Variants in RBFOX1 observed in about 807,000 individuals in gnomAD.
The protein encoded by RBFOX1 is RNA binding fox-1 homolog 1.
In RBFOX1, 8 loss-of-function variants were observed where a neutral mutation model predicts 57.7. The ratio of observed to expected loss-of-function variants is 0.14; its 90% CI spans 0.08 to 0.25. The LOEUF (loss-of-function observed/expected upper bound fraction) is 0.25. Ranked by LOEUF, RBFOX1 falls within the 10% of genes least tolerant of loss-of-function variation. RBFOX1 has a pLI of 1.00. For synonymous variants in RBFOX1, 326 were observed against 222.4 expected, an observed-to-expected ratio of 1.47 and a Z score of -4.15; for missense variants, 611 against 548.5, an observed-to-expected ratio of 1.11 and a Z score of -1.14.
At chr16:6,759,826 A>G (rs935186086) in intron 3 of RBFOX1, among the ~76,000 whole-genome samples, 6 of 152,240 alleles carry the variant, frequency 3.9e-5, no homozygotes, top group Non-Finnish European at 7.3e-5. Flanking sequence ...TAGATTGTTT[A>G]TAATAGCAAG....
At chr16:7,269,618 A>G (rs1009856862) in intron 4 of RBFOX1, among the ~76,000 whole-genome samples, 1 of 152,198 alleles carries the variant, frequency 6.6e-6, no homozygotes, top group Non-Finnish European at 1.5e-5. Flanking sequence ...TAATGATTCC[A>G]TAATGTTCTG....
chr16:5,625,120 A>T (rs956092449), intron 3 of RBFOX1, among the ~76,000 whole-genome samples: 12 of 152,152 alleles, frequency 7.9e-5, no homozygotes, highest in African/African-American at 2.4e-4. Context: ...ACCATTTTGC[A>T]TGTGAGCCAT....
At chr16:6,454,374 T>A (rs1340061257) in intron 2 of RBFOX1, among the ~76,000 whole-genome samples, 1 of 152,018 alleles carries the variant, frequency 6.6e-6, no homozygotes, top group African/African-American at 2.4e-5. Context: ...CTGGGCAACA[T>A]AGCAGAACCA....
chr16:7,567,309 A>ATGGCCC, intron 5 of RBFOX1, among the ~76,000 whole-genome samples: 1 of 30,048 alleles, frequency 3.3e-5, no homozygotes, highest in African/African-American at 1.4e-4. Flanking sequence ...GGCCCTATAT[A>ATGGCCC]TATATATATA....
chr16:5,529,089 T>A (rs1170597702), intron 2 of RBFOX1, among the ~76,000 whole-genome samples: 1 of 152,110 alleles, frequency 6.6e-6, no homozygotes, highest in Admixed American at 6.6e-5. Context: ...GTCCATAAGA[T>A]CTTCCTCCTC....
chr16:6,787,911 A>C (rs12921317), intron 3 of RBFOX1, among the ~76,000 whole-genome samples: 72,708 of 152,022 alleles, frequency 0.48, 17,585 homozygotes, highest in East Asian at 0.55. Flanking sequence ...CCAATCTGTC[A>C]TTACTAAACA....
intron 3 of RBFOX1, among the ~76,000 whole-genome samples, chr16:6,832,843 C>G (rs536037241): frequency 3.6e-4 from 55 of 152,342 alleles, no homozygotes; most frequent in African/African-American, 1.3e-3. Flanking sequence ...AGTTAAGAAT[C>G]CCAACTACGT....
intron 1 of RBFOX1, among the ~76,000 whole-genome samples, chr16:6,150,008 A>C (rs1179170200): frequency 6.6e-6 from 1 of 152,198 alleles, no homozygotes; most frequent in Non-Finnish European, 1.5e-5. Context: ...TAGCTCCTGA[A>C]ATGTGAGCAT....
intron 3 of RBFOX1, among the ~76,000 whole-genome samples, chr16:5,822,944 C>G (rs1457135021): frequency 6.6e-6 from 1 of 152,218 alleles, no homozygotes; most frequent in Non-Finnish European, 1.5e-5. Context: ...CACATGATAA[C>G]TGCATAATTT....
At chr16:6,327,854 C>T (rs574706686) in intron 2 of RBFOX1, among the ~76,000 whole-genome samples, 70 of 152,260 alleles carry the variant, frequency 4.6e-4, no homozygotes, top group African/African-American at 1.5e-3. Flanking sequence ...TCTAATGGCT[C>T]TTCAATCCCG....
chr16:7,166,747 A>T (rs895103733), intron 4 of RBFOX1, among the ~76,000 whole-genome samples: 36 of 151,992 alleles, frequency 2.4e-4, no homozygotes, highest in African/African-American at 8.5e-4. Context: ...CTTCAGCAGC[A>T]TCCTTGGATG....
chr16:7,178,498 TTGAC>T (rs1209502719), intron 4 of RBFOX1, among the ~76,000 whole-genome samples: 5 of 152,320 alleles, frequency 3.3e-5, no homozygotes, highest in African/African-American at 1.2e-4. Context: ...GATGTATCGA[TTGAC>T]TGATAATCAT....
At chr16:7,346,535 C>T (rs1442964949) in intron 4 of RBFOX1, among the ~76,000 whole-genome samples, 5 of 151,888 alleles carry the variant, frequency 3.3e-5, no homozygotes, top group African/African-American at 1.2e-4. Flanking sequence ...TGTTACCAAG[C>T]CACTGCCCTC....
chr16:7,494,632 ATC>A (rs1449030166), intron 4 of RBFOX1, among the ~76,000 whole-genome samples: 1 of 152,176 alleles, frequency 6.6e-6, no homozygotes, highest in African/African-American at 2.4e-5. Flanking sequence ...TGCAGTTTTT[ATC>A]TCTCTTATGA....
At chr16:7,618,385 T>G (rs578231948) in intron 10 of RBFOX1, among the ~76,000 whole-genome samples, 1 of 152,256 alleles carries the variant, frequency 6.6e-6, no homozygotes, top group South Asian at 2.1e-4. Context: ...TAGGAGCAGA[T>G]TATCAACTGT....
At chr16:6,894,793 TTTGTAA>T (rs1395065518) in intron 3 of RBFOX1, among the ~76,000 whole-genome samples, 1 of 152,204 alleles carries the variant, frequency 6.6e-6, no homozygotes, top group Non-Finnish European at 1.5e-5. Flanking sequence ...TTTCCCTGTG[TTTGTAA>T]TTGTATTTTA....
At chr16:7,288,554 T>C (rs1938694949) in intron 4 of RBFOX1, among the ~76,000 whole-genome samples, 1 of 152,220 alleles carries the variant, frequency 6.6e-6, no homozygotes, top group Admixed American at 6.5e-5. Flanking sequence ...ACTGTGCTAT[T>C]ACTGGCCGGA....
At chr16:7,622,456 T>G (rs1024012159) in intron 10 of RBFOX1, among the ~76,000 whole-genome samples, 2 of 152,208 alleles carry the variant, frequency 1.3e-5, no homozygotes, top group Non-Finnish European at 2.9e-5. Flanking sequence ...AGCCTACATT[T>G]TGGCTGCAGG....
At chr16:7,678,116 C>G (rs1219062742) in intron 14 of RBFOX1, among the ~76,000 whole-genome samples, 1 of 152,154 alleles carries the variant, frequency 6.6e-6, no homozygotes, top group Non-Finnish European at 1.5e-5. Context: ...CTATCTGGTT[C>G]TATGCAGGTA....
Sources: allele counts gnomAD v4.1 joint callset (sites outside exome capture counted in the v4.1 genomes callset), GRCh38; gene constraint gnomAD v4.1.1; transcripts MANE v1.5; gene names NCBI Gene and HGNC (gene_info 2026-07-23, HGNC 2026-07-21).